Variants in ADARB2 observed in about 807,000 individuals in gnomAD.
ADARB2 encodes the protein inactive double-stranded RNA-specific editase B2.
In ADARB2, 25 loss-of-function variants were observed where a neutral mutation model predicts 62.2. That is an observed-to-expected ratio of 0.40 (90% CI 0.29 to 0.56). The LOEUF is 0.56. ADARB2 is among the 20% of genes least tolerant of loss of function. The pLI, the probability that ADARB2 is intolerant of heterozygous loss-of-function variation, is 0.43. For synonymous variants in ADARB2, 572 were observed against 500.8 expected (o/e 1.14, Z -1.90); for missense variants, 1,071 against 1,077.4 (o/e 0.99, Z 0.08).
At chr10:1,453,962 G>A (rs772321369) in intron 1 of ADARB2, among the ~76,000 whole-genome samples, 2 of 152,176 alleles carry the variant, frequency 1.3e-5, no homozygotes, top group Admixed American at 6.5e-5. Context: ...ATATAGTCAA[G>A]CAATTCTTCT....
At chr10:1,210,508 C>G (rs928971193) in intron 7 of ADARB2, among the ~76,000 whole-genome samples, 1 of 152,224 alleles carries the variant, frequency 6.6e-6, no homozygotes, top group Non-Finnish European at 1.5e-5. Context: ...ACACATACCT[C>G]TGGAGCCCTG....
chr10:1,261,857 G>T (rs1259450909), intron 4 of ADARB2, among the ~76,000 whole-genome samples: 1 of 149,710 alleles, frequency 6.7e-6, no homozygotes, highest in Non-Finnish European at 1.5e-5. Flanking sequence ...GTTTATTGTG[G>T]CATTATTCAC....
chr10:1,303,162 C>A (rs1831591651), intron 3 of ADARB2, among the ~76,000 whole-genome samples: 1 of 151,770 alleles, frequency 6.6e-6, no homozygotes, highest in Admixed American at 6.6e-5. Flanking sequence ...ACTAGAATAA[C>A]CAATACAGAG....
At chr10:1,615,767 G>C (rs1265146214) in intron 1 of ADARB2, among the ~76,000 whole-genome samples, 1 of 152,240 alleles carries the variant, frequency 6.6e-6, no homozygotes, top group African/African-American at 2.4e-5. Context: ...CACCTCTCCA[G>C]TGTTGACACC....
chr10:1,729,194 C>T lies in ADARB2; in HGVS notation c.100+7857G>A, dbSNP rs117498659. 6.6e-3 allele frequency among the ~76,000 whole-genome samples: 1,006 copies of T among 152,136 alleles called. 38 individuals are homozygous for T. The East Asian group carries it at 0.1, about 15-fold the overall frequency. On this transcript the variant is annotated intron_variant, in intron 1 of 9. Transcript: ENST00000381312. ...TTGTGTCTGTGGTTAAATTAGGCTA[C>T]CTATGTTTTTCTTTACCTAAGGAAT...
intron 7 of ADARB2, among the ~76,000 whole-genome samples, chr10:1,211,796 G>A (rs1837156218): frequency 6.6e-6 from 1 of 152,216 alleles, no homozygotes; most frequent in Non-Finnish European, 1.5e-5. Flanking sequence ...ACAGATATAA[G>A]AGGTGTAAAT....
chr10:1,691,766 A>C (rs1429294673), intron 1 of ADARB2, among the ~76,000 whole-genome samples: 1 of 152,106 alleles, frequency 6.6e-6, no homozygotes, highest in Non-Finnish European at 1.5e-5. Flanking sequence ...CATCCCACTC[A>C]GAGCCATAAT....
intron 1 of ADARB2, among the ~76,000 whole-genome samples, chr10:1,621,843 A>AT (rs199771315): frequency 0.017 from 2,609 of 152,232 alleles, 31 homozygotes; most frequent in Non-Finnish European, 0.026. Flanking sequence ...AAATCCCAGG[A>AT]TTTTTTTTGT....
intron 4 of ADARB2, among the ~76,000 whole-genome samples, chr10:1,268,239 G>A (rs373346609): frequency 6.6e-6 from 1 of 152,172 alleles, no homozygotes; most frequent in African/African-American, 2.4e-5. Flanking sequence ...AATTTGAAAT[G>A]GTTAGAGGTG....
intron 4 of ADARB2, among the ~76,000 whole-genome samples, chr10:1,267,136 TAAA>T (rs551410020): frequency 5.4e-5 from 7 of 129,532 alleles, no homozygotes; most frequent in South Asian, 2.5e-4. Context: ...AAATCCAAGT[TAAA>T]AAAAAAAAAA....
rs568835463 is a variant in ADARB2 at position 1,474,018 on chromosome 10, G to A, written c.101-94858C>T. On this transcript the variant is annotated intron_variant, in intron 1 of 9. Transcript: ENST00000381312. Reference sequence around the variant, plus strand: ...CCGGATCACGGGGGAGCCCTTGACAGGGGGCTGGGTAGTTTCTAGTGCAGG... The same window carrying A: ...CCGGATCACGGGGGAGCCCTTGACAAGGGGCTGGGTAGTTTCTAGTGCAGG... Among the ~76,000 whole-genome samples the A allele has an allele frequency of 4.7e-5, 7 of 150,144 alleles. No homozygotes were observed. The South Asian group carries it at 1.5e-3, about 32-fold the overall frequency.
chr10:1,434,894 T>C (rs955175060), intron 1 of ADARB2, among the ~76,000 whole-genome samples: 1 of 152,226 alleles, frequency 6.6e-6, no homozygotes, highest in African/African-American at 2.4e-5. Context: ...CTGCTCCTTC[T>C]CCCTGTAACC....
intron 1 of ADARB2, among the ~76,000 whole-genome samples, chr10:1,665,100 TAA>T (rs1424863122): frequency 2.6e-5 from 4 of 152,198 alleles, no homozygotes; most frequent in African/African-American, 9.7e-5. Context: ...CTTCTTGTAT[TAA>T]GTTTCACTTT....
At chr10:1,441,053 C>A (rs1428759659) in intron 1 of ADARB2, among the ~76,000 whole-genome samples, 1 of 152,212 alleles carries the variant, frequency 6.6e-6, no homozygotes, top group Non-Finnish European at 1.5e-5. Flanking sequence ...TTGGTAGTGT[C>A]AGCTGAATCA....
chr10:1,737,307 C>G lies in ADARB2; in HGVS notation c.-157G>C. On this transcript the variant is annotated 5_prime_UTR_variant, in exon 1 of 10. Coordinates refer to ENST00000381312, the MANE Select transcript of ADARB2 (RefSeq NM_018702.4). ...CTGAGCAGGAAAGCGCGCTCCGTCT[C>G]TCTGTCTCTCGAATTGTTCTCTATG... 7.5e-6 allele frequency: 5 copies of G among 667,414 alleles called. No homozygotes were observed. Among genetic ancestry groups the G allele is most frequent in the Non-Finnish European group, 7.6e-6 (3 of 394,182 alleles). 41.3% of individuals were successfully genotyped at this position (667,414 alleles called of 1,614,324 possible). A position where few individuals can be genotyped will look rare whatever the true frequency, so the allele number is the denominator to read the frequency against.
At chr10:1,733,015 C>A (rs989316472) in intron 1 of ADARB2, among the ~76,000 whole-genome samples, 2 of 152,214 alleles carry the variant, frequency 1.3e-5, no homozygotes, top group African/African-American at 4.8e-5. Context: ...TCTGTATAAC[C>A]AACCACTCTA....
At chr10:1,444,748 C>T (rs1370348449) in intron 1 of ADARB2, among the ~76,000 whole-genome samples, 1 of 149,668 alleles carries the variant, frequency 6.7e-6, no homozygotes, top group Non-Finnish European at 1.5e-5. Context: ...ATCCATCCAT[C>T]CACCCATCTA....
At chr10:1,487,906 GAAACAAAC>G (rs71379133) in intron 1 of ADARB2, among the ~76,000 whole-genome samples, 1 of 151,816 alleles carries the variant, frequency 6.6e-6, no homozygotes, top group Non-Finnish European at 1.5e-5. Context: ...AAGAAAAAAG[GAAACAAAC>G]AAACAAACAA....
rs750777792 is a variant in ADARB2 at position 1,363,032 on chromosome 10, G to A, written c.1073C>T (p.Pro358Leu). Reference sequence around the variant, plus strand: ...TGCACCCGCCGCGCCCCTCACCTGCGGCATTGGCGTCCTCCTGGCCCTGCC... The same window carrying A: ...TGCACCCGCCGCGCCCCTCACCTGCAGCATTGGCGTCCTCCTGGCCCTGCC... Reference protein sequence around the residue: ...APGRARRTPMPQEFADSISQL... With the variant: ...APGRARRTPMLQEFADSISQL... Residue 358 changes from proline to leucine, a missense_variant, in exon 3 of 10, where the codon CCG becomes CTG. Physicochemically the swap from Pro to Leu is moderately conservative, Grantham distance 98. Transcript: ENST00000381312. 30 of 1,385,026 alleles carry A rather than the reference G, an allele frequency of 2.2e-5. No individual in the cohort carries two copies. Among genetic ancestry groups the A allele is most frequent in the Non-Finnish European group, 2.7e-5 (29 of 1,067,772 alleles). 85.8% of individuals were successfully genotyped at this position (1,385,026 alleles called of 1,614,324 possible).
Sources: allele counts gnomAD v4.1 joint callset (sites outside exome capture counted in the v4.1 genomes callset), GRCh38; gene constraint gnomAD v4.1.1; transcripts MANE v1.5; gene names NCBI Gene and HGNC (gene_info 2026-07-23, HGNC 2026-07-21).